The following SH3D19 variants were observed in gnomAD, a reference collection of about 807,000 sequenced individuals.
The protein encoded by SH3D19 is SH3 domain-containing protein 19.
In SH3D19, 58 loss-of-function variants were observed where a neutral mutation model predicts 112.1. The observed-to-expected ratio is 0.52, with a 90% confidence interval of 0.42 to 0.64. The LOEUF (loss-of-function observed/expected upper bound fraction) is 0.64. Ranked by LOEUF, SH3D19 falls within the 30% of genes least tolerant of loss-of-function variation. The pLI, the probability that SH3D19 is intolerant of heterozygous loss-of-function variation, is 0.00. For missense variants in SH3D19, 1,090 were observed against 1,263.4 expected (o/e 0.86, Z 2.08); for synonymous variants, 391 against 448.5 (o/e 0.87, Z 1.62).
At chr4:151,122,907 A>C (rs1168532328) in intron 19 of SH3D19, among the ~76,000 whole-genome samples, 1 of 143,542 alleles carries the variant, frequency 7.0e-6, no homozygotes, top group Non-Finnish European at 1.5e-5. Flanking sequence ...GCTGGAGTGC[A>C]ATGGTGCAAT....
intron 14 of SH3D19, among the ~76,000 whole-genome samples, chr4:151,136,317 T>G (rs544069727): frequency 6.6e-6 from 1 of 151,838 alleles, no homozygotes; most frequent in Non-Finnish European, 1.5e-5. Context: ...CAAGTTAATT[T>G]TTCAATTTTT....
chr4:151,133,045 G>T lies in SH3D19; in HGVS notation c.2678C>A (p.Ala893Glu). ...TTCTCTATACTCACTTAAAACATTT[G>T]CACCAGAGGTGGGATAATCCTCAAC... ...EPVEDYPTSGANVLSTKVPLK... is the reference protein window; with the variant it reads ...EPVEDYPTSGENVLSTKVPLK... Residue 893 changes from alanine to glutamate, a missense_variant, in exon 16 of 20, where the codon GCA (alanine) becomes GAA (glutamate). Physicochemically the swap from Ala to Glu is moderately radical, Grantham distance 107. Transcript: ENST00000604030. 1 of 1,613,758 alleles carries T rather than the reference G, an allele frequency of 6.2e-7. No individual in the cohort carries two copies.
intron 1 of SH3D19, 47 bp downstream of exon 1, chr4:151,325,194 A>G: frequency 9.2e-7 from 1 of 1,084,558 alleles, no homozygotes; most frequent in Non-Finnish European, 1.2e-6. Flanking sequence ...GCGGCCCCAG[A>G]GCGCGCAGCT....
chr4:151,237,129 C>A, intron 1 of SH3D19, among the ~76,000 whole-genome samples: 1 of 152,244 alleles, frequency 6.6e-6, no homozygotes, highest in Admixed American at 6.5e-5. Flanking sequence ...TGCAGCTTCA[C>A]TCCTGAAGCC....
intron 12 of SH3D19, chr4:151,140,057 T>C (rs75029217): frequency 0.023 from 11,068 of 484,962 alleles, 868 homozygotes; most frequent in African/African-American, 0.18. Flanking sequence ...GATGAAAATC[T>C]CAATTAAAAT....
At chr4:151,237,529 C>T (rs889635734) in intron 1 of SH3D19, among the ~76,000 whole-genome samples, 1 of 62,344 alleles carries the variant, frequency 1.6e-5, no homozygotes, top group Non-Finnish European at 5.4e-5. Flanking sequence ...GTCAGACAGG[C>T]CTTGTTTTGA....
intron 19 of SH3D19, among the ~76,000 whole-genome samples, chr4:151,125,492 CA>C (rs112707542): frequency 0.071 from 8,517 of 119,774 alleles, 494 homozygotes; most frequent in East Asian, 0.18. Flanking sequence ...AAAACAAAAC[CA>C]AAAAAAAAAA....
At chr4:151,159,541 CTA>C (rs1756771863) in intron 8 of SH3D19, among the ~76,000 whole-genome samples, 189 bp from the exon 9 acceptor site, 1 of 152,154 alleles carries the variant, frequency 6.6e-6, no homozygotes, top group South Asian at 2.1e-4. Flanking sequence ...GTTAATTTTA[CTA>C]TATGTTTTTA....
At position 151,137,859 on chromosome 4, in the gene SH3D19, T is replaced by C; in HGVS notation, c.2300A>G (p.Gln767Arg). The stretch of plus-strand genomic sequence containing the variant: ...AGAAGTGAGGTTCAAATCATCAACT[T>C]GCTCTGTAATATAAAATTATAGTTA... ...AVVLHDFPAE[Q>R]VDDLNLTSGE... Residue 767 changes from glutamine to arginine, a missense_variant, in exon 14 of 20, where the codon CAA (glutamine) becomes CGA (arginine). Coordinates refer to ENST00000604030, the MANE Select transcript of SH3D19 (RefSeq NM_001378122.1). 3 of 1,592,810 alleles carry C rather than the reference T, an allele frequency of 1.9e-6. No homozygotes were observed. The highest frequency in any genetic ancestry group is 1.7e-6 in the Non-Finnish European group (2 of 1,174,070).
chr4:151,165,064 C>A (rs921050405), intron 8 of SH3D19, among the ~76,000 whole-genome samples: 3 of 152,192 alleles, frequency 2.0e-5, no homozygotes, highest in Admixed American at 6.6e-5. Context: ...GAGGTGTTAA[C>A]ATGGGATATA....
In SH3D19 at chr4:151,132,436, C is replaced by A. The variant is rs555736375; in HGVS notation, c.2690-53G>T. ...GAAGTCAGAACATTAGATGTGAAGGCCACATAGTATTAAAAACAAATGGTT... is the reference window on the plus strand; with the variant it reads ...GAAGTCAGAACATTAGATGTGAAGGACACATAGTATTAAAAACAAATGGTT... On this transcript the variant is annotated intron_variant, in intron 16 of 19. Transcript: ENST00000604030. 11 of 1,510,854 alleles carry A rather than the reference C, an allele frequency of 7.3e-6. No homozygotes were observed. In the East Asian group the frequency reaches 2.5e-4, roughly 34 times the overall value. 93.6% of individuals were successfully genotyped at this position (1,510,854 alleles called of 1,614,324 possible).
intron 1 of SH3D19, among the ~76,000 whole-genome samples, chr4:151,234,609 C>T (rs896116847): frequency 6.6e-6 from 1 of 151,996 alleles, no homozygotes; most frequent in Admixed American, 6.6e-5. Flanking sequence ...TTTCAGCAAG[C>T]AAAATTTGTG....
intron 19 of SH3D19, among the ~76,000 whole-genome samples, chr4:151,125,845 C>CAAAAAAAAAAAAAAAAAA (rs66688611): frequency 2.1e-5 from 2 of 94,238 alleles, no homozygotes; most frequent in African/African-American, 3.8e-5. Context: ...ATCTCAAAAA[C>CAAAAAAAAAAAAAAAAAA]AAAAAAAAAA....
At chr4:151,211,135 T>C (rs1397839987) in intron 2 of SH3D19, among the ~76,000 whole-genome samples, 1 of 152,144 alleles carries the variant, frequency 6.6e-6, no homozygotes, top group Admixed American at 6.5e-5. Flanking sequence ...CCAAGCGTGG[T>C]GGTGCATGCC....
intron 2 of SH3D19, among the ~76,000 whole-genome samples, chr4:151,213,759 A>G (rs1281475116): frequency 2.0e-5 from 3 of 151,690 alleles, no homozygotes; most frequent in African/African-American, 7.3e-5. Flanking sequence ...AGCTCACTGT[A>G]GCCTCAAACT....
Position 151,148,016 on chromosome 4 carries a change from C to G in SH3D19, c.1988G>C (p.Gly663Ala). The G allele has an allele frequency of 6.2e-7, 1 of 1,614,038 alleles. No homozygotes were observed. Among genetic ancestry groups the G allele is most frequent in the Non-Finnish European group, 8.5e-7 (1 of 1,180,018 alleles). Reference sequence around the variant, plus strand: ...AACTTGACTCTTGGCTTTTGAGAGTCCAGTTGCCAAGTTACTTTGTTTTTT... The same window carrying G: ...AACTTGACTCTTGGCTTTTGAGAGTGCAGTTGCCAAGTTACTTTGTTTTTT... The part of the protein sequence containing the change: ...LQKKQSNLAT[G>A]LSKAKSQVFK... Residue 663 changes from glycine to alanine, a missense_variant, in exon 11 of 20, where the codon GGA becomes GCA. Coordinates refer to ENST00000604030, the MANE Select transcript of SH3D19 (RefSeq NM_001378122.1).
chr4:151,266,557 A>G (rs960628446), intron 1 of SH3D19, among the ~76,000 whole-genome samples: 1 of 152,248 alleles, frequency 6.6e-6, no homozygotes, highest in Non-Finnish European at 1.5e-5. Flanking sequence ...ATGGAAATGA[A>G]TAGCCCTTAG....
intron 2 of SH3D19, among the ~76,000 whole-genome samples, chr4:151,213,803 C>T (rs1766405137): frequency 6.6e-6 from 1 of 151,814 alleles, no homozygotes; most frequent in Admixed American, 6.6e-5. Context: ...CCTCCTGCCT[C>T]AGCCTCCTGA....
At chr4:151,214,490 C>A (rs1580199240) in intron 2 of SH3D19, among the ~76,000 whole-genome samples, 1 of 123,100 alleles carries the variant, frequency 8.1e-6, no homozygotes, top group Non-Finnish European at 1.8e-5. Context: ...CCGGACGGGG[C>A]GGCTGGCCGG....
Sources: gnomAD v4.1 joint callset for allele counts (sites outside exome capture counted in the v4.1 genomes callset) on GRCh38, gnomAD v4.1.1 for gene constraint, MANE v1.5 for transcripts, NCBI Gene and HGNC (gene_info 2026-07-23, HGNC 2026-07-21) for gene names.